The following CDH12 variants were observed in gnomAD, a reference collection of about 807,000 sequenced individuals.
The protein encoded by CDH12 is cadherin-12.
A neutral mutation model predicts 74.1 loss-of-function variants in CDH12; 41 were observed. The observed-to-expected ratio is 0.55, with a 90% CI of 0.43 to 0.72. The LOEUF (loss-of-function observed/expected upper bound fraction) is 0.72. Ranked by LOEUF, CDH12 falls within the 30% of genes least tolerant of loss-of-function variation. CDH12 has a pLI of 0.00. For synonymous variants in CDH12, 399 were observed against 355.0 expected, an observed-to-expected ratio of 1.12 and a Z score of -1.39; for missense variants, 945 against 977.2, an observed-to-expected ratio of 0.97 and a Z score of 0.44.
chr5:22,279,892 G>A lies in CDH12; in HGVS notation c.-332-67249C>T, dbSNP rs555029342. On this transcript the variant is annotated intron_variant, in intron 3 of 14. Transcript: ENST00000382254. ...TTTATATTCCTTTGGGTATATACCC[G>A]GTAATGGGATGGCTGGGTCAAATGG... is the stretch of plus-strand genomic sequence containing the variant. Among the ~76,000 whole-genome samples, 72 of 152,116 alleles carry A rather than the reference G, an allele frequency of 4.7e-4. No homozygotes were observed. The Middle Eastern group carries it at 0.01, about 22-fold the overall frequency.
chr5:22,801,687 A>G (rs1748536806), intron 1 of CDH12, among the ~76,000 whole-genome samples: 1 of 79,550 alleles, frequency 1.3e-5, no homozygotes, highest in Admixed American at 1.5e-4. Context: ...ATATATATAC[A>G]CTTTGTTTAA....
intron 1 of CDH12, among the ~76,000 whole-genome samples, chr5:22,603,214 G>C (rs1736932094): frequency 6.6e-6 from 1 of 151,788 alleles, no homozygotes; most frequent in Non-Finnish European, 1.5e-5. Context: ...GATGTGGATG[G>C]GGTAATCAAC....
chr5:22,468,635 A>G (rs1745834541), intron 2 of CDH12, among the ~76,000 whole-genome samples: 1 of 152,138 alleles, frequency 6.6e-6, no homozygotes, highest in Admixed American at 6.6e-5. Flanking sequence ...TAGTGTTTTT[A>G]GTAATATGTA....
chr5:22,138,845 A>AATATATATATATATATATATAT lies in CDH12; in HGVS notation c.-186-60005_-186-59984dup, dbSNP rs67115449. On this transcript the variant is annotated intron_variant, in intron 4 of 14. Coordinates refer to ENST00000382254, the MANE Select transcript of CDH12 (RefSeq NM_004061.5). ...AATATATATGTGTACATATATACGTAATATATATATATATATATATATATA... is the reference window on the plus strand; with the variant it reads ...AATATATATGTGTACATATATACGTAATATATATATATATATATATATATATATATATATATATATATATATA... Among the ~76,000 whole-genome samples the AATATATATATATATATATATAT allele has an allele frequency of 9.0e-3, 690 of 76,416 alleles. 46 individuals carry two copies. Among genetic ancestry groups the AATATATATATATATATATATAT allele is most frequent in the Non-Finnish European group, 0.013 (471 of 37,350 alleles). The allele number at this position is 76,416 out of a possible 152,430, so 50.1% of individuals were successfully genotyped here.
intron 2 of CDH12, among the ~76,000 whole-genome samples, chr5:22,453,256 C>A (rs768484886): frequency 8.6e-5 from 13 of 151,920 alleles, no homozygotes; most frequent in South Asian, 4.1e-4. Context: ...GGAAATGAGA[C>A]CAGTATGTCA....
chr5:21,765,238 G>C (rs961309864), intron 11 of CDH12, 139 bp from the exon 12 acceptor site: 1 of 602,792 alleles, frequency 1.7e-6, no homozygotes, highest in Admixed American at 3.7e-5. Flanking sequence ...AATCCTGGGG[G>C]TTCCAACTAC....
At chr5:22,681,861 T>A (rs1261958444) in intron 1 of CDH12, among the ~76,000 whole-genome samples, 1 of 152,074 alleles carries the variant, frequency 6.6e-6, no homozygotes, top group Non-Finnish European at 1.5e-5. Context: ...TTAATGCATA[T>A]TTCACTATGA....
At chr5:21,905,659 C>A (rs181341531) in intron 6 of CDH12, among the ~76,000 whole-genome samples, 29 of 152,288 alleles carry the variant, frequency 1.9e-4, no homozygotes, top group African/African-American at 6.3e-4. Context: ...TTTTCCTGGA[C>A]TAGAAAGTTC....
chr5:22,309,257 A>T (rs1025757355), intron 3 of CDH12, among the ~76,000 whole-genome samples: 1 of 152,240 alleles, frequency 6.6e-6, no homozygotes, highest in African/African-American at 2.4e-5. Flanking sequence ...AGTAAAGAAC[A>T]GAAGAATATG....
intron 1 of CDH12, among the ~76,000 whole-genome samples, chr5:22,590,917 G>C (rs2126799052): frequency 6.6e-6 from 1 of 152,014 alleles, no homozygotes; most frequent in African/African-American, 2.4e-5. Flanking sequence ...TGCTATTGGC[G>C]GCTTGTCCTG....
At chr5:22,788,728 A>T (rs1034299228) in intron 1 of CDH12, among the ~76,000 whole-genome samples, 5 of 149,244 alleles carry the variant, frequency 3.4e-5, no homozygotes, top group Middle Eastern at 3.6e-3. Flanking sequence ...ATATATGTAT[A>T]GTTATGTATT....
chr5:21,893,309 GCAAAAA>G, intron 6 of CDH12, among the ~76,000 whole-genome samples: 1 of 152,248 alleles, frequency 6.6e-6, no homozygotes, highest in Admixed American at 6.5e-5. Flanking sequence ...TAGAACCTCA[GCAAAAA>G]CAGGGCCACA....
In CDH12 at chr5:22,009,939, C is replaced by CAAAAAA. The variant is rs774589642; in HGVS notation, c.232-34560_232-34555dup. Among the ~76,000 whole-genome samples, 298 of 54,250 alleles carry CAAAAAA rather than the reference C, an allele frequency of 5.5e-3. 1 individual carries two copies. Among genetic ancestry groups the CAAAAAA allele is most frequent in the African/African-American group, 0.016 (279 of 17,802 alleles). The allele number at this position is 54,250 out of a possible 152,430, so 35.6% of individuals were successfully genotyped here. A position where few individuals can be genotyped will look rare whatever the true frequency, so the allele number is the denominator to read the frequency against. On this transcript the variant is annotated intron_variant, in intron 5 of 14. Coordinates refer to ENST00000382254, the MANE Select transcript of CDH12 (RefSeq NM_004061.5). ...GTTGCAGTGAGCCAAGAAACTGTCT[C>CAAAAAA]AAAAAAAAAAAAAAAAAAAAGAAAA...
In CDH12 at chr5:22,342,593, TTC is replaced by T. The variant is rs60788741; in HGVS notation, c.-333+62662_-333+62663del. On this transcript the variant is annotated intron_variant, in intron 3 of 14. Transcript: ENST00000382254. ...CTCCCTCCCTCCATCCTTCCTTCCT[TTC>T]TCTCTTTCTTACTTTTTTCTTTCTT... Among the ~76,000 whole-genome samples, 21 of 141,926 alleles carry T rather than the reference TTC, an allele frequency of 1.5e-4. No homozygotes were observed. The South Asian group carries it at 5.0e-3, about 34-fold the overall frequency. 93.1% of individuals were successfully genotyped at this position (141,926 alleles called of 152,430 possible).
intron 1 of CDH12, among the ~76,000 whole-genome samples, chr5:22,803,269 A>G (rs1748626888): frequency 6.6e-6 from 1 of 152,184 alleles, no homozygotes; most frequent in Non-Finnish European, 1.5e-5. Context: ...TGCAAATTTT[A>G]CTTTTGTCAA....
At chr5:22,090,053 G>T (rs1743319428) in intron 4 of CDH12, among the ~76,000 whole-genome samples, 1 of 151,922 alleles carries the variant, frequency 6.6e-6, no homozygotes. Flanking sequence ...GATAAAGACT[G>T]AAGTGGAAAT....
chr5:22,555,254 T>G (rs1196054691), intron 1 of CDH12, among the ~76,000 whole-genome samples: 1 of 151,976 alleles, frequency 6.6e-6, no homozygotes, highest in Admixed American at 6.6e-5. Flanking sequence ...TTTTCATAAA[T>G]TAAAAACACA....
At chr5:22,828,464 A>G (rs946825365) in intron 1 of CDH12, among the ~76,000 whole-genome samples, 2 of 152,220 alleles carry the variant, frequency 1.3e-5, no homozygotes, top group African/African-American at 4.8e-5. Flanking sequence ...TACATATCCA[A>G]GTTAAAGGTT....
At chr5:22,477,304 T>C (rs957136318) in intron 2 of CDH12, among the ~76,000 whole-genome samples, 2 of 152,182 alleles carry the variant, frequency 1.3e-5, no homozygotes, top group Non-Finnish European at 2.9e-5. Context: ...GTTCTCATCA[T>C]TTAGCCCCTA....
Sources: gnomAD v4.1 joint callset for allele counts (sites outside exome capture counted in the v4.1 genomes callset) on GRCh38, gnomAD v4.1.1 for gene constraint, MANE v1.5 for transcripts, NCBI Gene and HGNC (gene_info 2026-07-23, HGNC 2026-07-21) for gene names.